Variants in GHR observed in about 807,000 individuals in gnomAD.
GHR encodes GH receptor.
A neutral mutation model predicts 67.1 loss-of-function variants in GHR; 35 were observed. The ratio of observed to expected loss-of-function variants is 0.52; its 90% CI spans 0.40 to 0.69. GHR has a LOEUF of 0.69. Ranked by LOEUF, GHR falls within the 30% of genes least tolerant of loss-of-function variation. The pLI, the probability that GHR is intolerant of heterozygous loss-of-function variation, is 0.00. For missense variants in GHR, 792 were observed against 764.6 expected (o/e 1.04, Z -0.42); for synonymous variants, 272 against 269.1 (o/e 1.01, Z -0.10).
At chr5:42,699,347 C>T (rs1757822207) in intron 5 of GHR, among the ~76,000 whole-genome samples, 1 of 151,796 alleles carries the variant, frequency 6.6e-6, no homozygotes, top group Admixed American at 6.6e-5. Context: ...CAGGGAACAA[C>T]ACAGAAATGA....
At chr5:42,566,188 A>T (rs1749924090) in intron 2 of GHR, among the ~76,000 whole-genome samples, 1 of 152,154 alleles carries the variant, frequency 6.6e-6, no homozygotes, top group Admixed American at 6.5e-5. Context: ...AATACTACAA[A>T]TCATGCTGAG....
intron 1 of GHR, among the ~76,000 whole-genome samples, chr5:42,487,005 C>G (rs573741429): frequency 2.2e-4 from 33 of 152,104 alleles, no homozygotes; most frequent in African/African-American, 8.0e-4. Flanking sequence ...GTTCACTGAC[C>G]TGAGTTTGTT....
intron 3 of GHR, among the ~76,000 whole-genome samples, chr5:42,631,227 A>G (rs569530528): frequency 1.3e-5 from 2 of 152,206 alleles, no homozygotes; most frequent in South Asian, 2.1e-4. Flanking sequence ...GTCATTTGGC[A>G]TATGTTGATT....
chr5:42,699,800 C>G, intron 5 of GHR, 24 bp from the exon 6 acceptor site: 2 of 1,520,648 alleles, frequency 1.3e-6, no homozygotes, highest in African/African-American at 1.4e-5. Context: ...TGTCTGTGTA[C>G]TAATGCTCTG....
intron 1 of GHR, among the ~76,000 whole-genome samples, chr5:42,555,125 A>G (rs1749238716): frequency 1.3e-5 from 2 of 152,110 alleles, no homozygotes; most frequent in African/African-American, 4.8e-5. Context: ...GGCCAAATAG[A>G]CTTCTATTTT....
chr5:42,549,654 T>C, intron 1 of GHR: 2 of 985,126 alleles, frequency 2.0e-6, no homozygotes, highest in Non-Finnish European at 2.4e-6. Flanking sequence ...GATTCCTTTG[T>C]GGACGGAAGA....
chr5:42,478,022 ACAT>A (rs1745423565), intron 1 of GHR, among the ~76,000 whole-genome samples: 1 of 151,934 alleles, frequency 6.6e-6, no homozygotes, highest in Non-Finnish European at 1.5e-5. Flanking sequence ...TTTAGGTCTA[ACAT>A]GTAAGTCTTT....
At chr5:42,496,839 G>T (rs928165111) in intron 1 of GHR, among the ~76,000 whole-genome samples, 1 of 152,102 alleles carries the variant, frequency 6.6e-6, no homozygotes, top group Non-Finnish European at 1.5e-5. Context: ...CAAAAACCCA[G>T]GGCAGAATGG....
intron 1 of GHR, among the ~76,000 whole-genome samples, chr5:42,541,556 C>A (rs979180932): frequency 6.6e-6 from 1 of 151,600 alleles, no homozygotes; most frequent in East Asian, 1.9e-4. Flanking sequence ...GATACCATGA[C>A]AGTGTCCTGG....
chr5:42,550,371 G>T lies in GHR; in HGVS notation c.-11-15493G>T, dbSNP rs146928474. ...TTCAGCCTCTGGCTTCTGTCATTGT[G>T]ATCCTGCCTCCCCAAGGTTCCCCTG... On this transcript the variant is annotated intron_variant, in intron 1 of 9. Coordinates refer to ENST00000230882, the MANE Select transcript of GHR (RefSeq NM_000163.5). 1.8e-3 allele frequency among the ~76,000 whole-genome samples: 278 copies of T among 152,250 alleles called. 1 individual carries two copies. The highest frequency in any genetic ancestry group is 6.4e-3 in the African/African-American group (264 of 41,560).
At chr5:42,651,258 C>G (rs1390233649) in intron 3 of GHR, among the ~76,000 whole-genome samples, 1 of 152,206 alleles carries the variant, frequency 6.6e-6, no homozygotes, top group Non-Finnish European at 1.5e-5. Flanking sequence ...AAGTTACCTT[C>G]AAACTCCACC....
At position 42,717,921 on chromosome 5, in the gene GHR, T is replaced by G. The variant is rs971616143; in HGVS notation, c.876-131T>G. 4.7e-6 allele frequency: 3 copies of G among 639,548 alleles called. No individual in the cohort carries two copies. The African/African-American group carries it at 5.5e-5, about 12-fold the overall frequency. The allele number at this position is 639,548 out of a possible 1,614,324, so 39.6% of individuals were successfully genotyped here. A position where few individuals can be genotyped will look rare whatever the true frequency, so the allele number is the denominator to read the frequency against. On this transcript the variant is annotated intron_variant, in intron 8 of 9. Coordinates refer to ENST00000230882, the MANE Select transcript of GHR (RefSeq NM_000163.5). ...TAATATTTTCTTCTGTTTCTCACAC[T>G]CCAATTATATAAAGTACCAGAATAT...
intron 3 of GHR, among the ~76,000 whole-genome samples, chr5:42,686,913 G>A (rs567897124): frequency 6.6e-6 from 1 of 152,178 alleles, no homozygotes; most frequent in Non-Finnish European, 1.5e-5. Flanking sequence ...TGACATGATT[G>A]TATATTTAGA....
At chr5:42,444,679 C>T (rs748854359) in intron 1 of GHR, among the ~76,000 whole-genome samples, 23 of 152,094 alleles carry the variant, frequency 1.5e-4, no homozygotes, top group Non-Finnish European at 3.4e-4. Context: ...ACTGAACTAC[C>T]TCTTTGCTCT....
rs148700892 is a variant in GHR at position 42,658,177 on chromosome 5, G to A, written c.136+29074G>A. Among the ~76,000 whole-genome samples, 495 of 152,112 alleles carry A rather than the reference G, an allele frequency of 3.3e-3. 2 individuals carry two copies. The highest frequency in any genetic ancestry group is 0.011 in the African/African-American group (473 of 41,490). ...AGCTATCTAACAGCTCATAGAAACC[G>A]ATAAGTTTCTGAACCTAATGCCAAA... On this transcript the variant is annotated intron_variant, in intron 3 of 9. Transcript: ENST00000230882.
chr5:42,465,135 A>C (rs951861759), intron 1 of GHR, among the ~76,000 whole-genome samples: 42 of 152,330 alleles, frequency 2.8e-4, no homozygotes, highest in African/African-American at 9.9e-4. Context: ...AATAATCTTT[A>C]ATGAAAAGCA....
intron 1 of GHR, among the ~76,000 whole-genome samples, chr5:42,531,122 G>T (rs958530911): frequency 1.5e-4 from 23 of 152,042 alleles, no homozygotes; most frequent in African/African-American, 5.1e-4. Flanking sequence ...ACAAAAATTA[G>T]CCAGACATGG....
At chr5:42,550,135 T>C in intron 1 of GHR, 1 of 919,530 alleles carries the variant, frequency 1.1e-6, no homozygotes, top group Non-Finnish European at 1.3e-6. Flanking sequence ...GTCTTCTTGC[T>C]ACTTGAAGTG....
intron 7 of GHR, 150 bp from the exon 8 acceptor site, chr5:42,713,279 T>C (rs370485824): frequency 1.7e-6 from 1 of 605,274 alleles, no homozygotes. Context: ...AACTAAGTCG[T>C]TGCATTCTGT....
Sources: gnomAD v4.1 joint callset for allele counts (sites outside exome capture counted in the v4.1 genomes callset) on GRCh38, gnomAD v4.1.1 for gene constraint, MANE v1.5 for transcripts, NCBI Gene and HGNC (gene_info 2026-07-23, HGNC 2026-07-21) for gene names.